The following TMOD3 variants were observed in gnomAD, a reference collection of about 807,000 sequenced individuals.
The protein encoded by TMOD3 is tropomodulin 3.
Under a neutral mutation model 39.2 loss-of-function variants are expected in TMOD3, and 20 were observed. That is an observed-to-expected ratio of 0.51 (90% CI 0.36 to 0.74). The LOEUF (loss-of-function observed/expected upper bound fraction) is 0.74. TMOD3 is among the 30% of genes least tolerant of loss of function. TMOD3 has a pLI of 0.00. For missense variants in TMOD3, 381 were observed against 412.8 expected (o/e 0.92, Z 0.67); for synonymous variants, 143 against 145.8 (o/e 0.98, Z 0.14).
chr15:51,901,622 C>T, intron 8 of TMOD3: 3 of 313,436 alleles, frequency 9.6e-6, no homozygotes, highest in South Asian at 6.7e-5. Context: ...TATAAAGTTC[C>T]AGTGAGGCTG....
chr15:51,858,125 T>C (rs764042908), intron 1 of TMOD3: 5 of 152,098 alleles, frequency 3.3e-5, no homozygotes, highest in African/African-American at 4.8e-5. Context: ...CGACCGTAGC[T>C]CACTGCAGCC....
chr15:51,895,013 A>G (rs2056613628), intron 6 of TMOD3, among the ~76,000 whole-genome samples: 1 of 152,146 alleles, frequency 6.6e-6, no homozygotes, highest in Non-Finnish European at 1.5e-5. Context: ...AATTATCTAG[A>G]TATTAGCCAT....
At chr15:51,883,363 T>TA (rs560932960) in intron 3 of TMOD3, among the ~76,000 whole-genome samples, 3 of 151,990 alleles carry the variant, frequency 2.0e-5, no homozygotes, top group Non-Finnish European at 4.4e-5. Flanking sequence ...ATAAGGATTA[T>TA]AAAAAAAATA....
chr15:51,910,110 G>A lies in TMOD3; in HGVS notation c.*1300G>A, dbSNP rs74408321. ...CATGTTCTGTCTCAGGGCAGCCCCTGGAGCAGGAGATGGCAGAGGCATTTA... is the reference window on the plus strand; with the variant it reads ...CATGTTCTGTCTCAGGGCAGCCCCTAGAGCAGGAGATGGCAGAGGCATTTA... On this transcript the variant is annotated 3_prime_UTR_variant, in exon 10 of 10. Coordinates refer to ENST00000308580, the MANE Select transcript of TMOD3 (RefSeq NM_014547.5). 0.015 allele frequency: 2,213 copies of A among 152,382 alleles called. 84 individuals carry two copies. Among genetic ancestry groups the A allele is most frequent in the Admixed American group, 0.074 (1,136 of 15,302 alleles). The allele number at this position is 152,382 out of a possible 1,614,324, so 9.4% of individuals were successfully genotyped here. A position where few individuals can be genotyped will look rare whatever the true frequency, so the allele number is the denominator to read the frequency against.
chr15:51,882,368 A>G (rs2470619), intron 3 of TMOD3, among the ~76,000 whole-genome samples: 69,802 of 151,318 alleles, frequency 0.46, 16,286 homozygotes, highest in Admixed American at 0.54. Context: ...GCAAAACCCC[A>G]TCTACTAGTA....
At chr15:51,858,482 A>C (rs1422733594) in intron 1 of TMOD3, 1 of 152,120 alleles carries the variant, frequency 6.6e-6, no homozygotes, top group Non-Finnish European at 1.5e-5. Context: ...TGCCAATAAA[A>C]CAGGTATACA....
At position 51,837,168 on chromosome 15, in the gene TMOD3, A is replaced by G. The variant is rs183082364; in HGVS notation, c.-75+7332A>G. ...GAGCAGGATATTATTAGTGATACTTATACAGTAGGGGATTTCCATCCATGT... is the reference window on the plus strand; with the variant it reads ...GAGCAGGATATTATTAGTGATACTTGTACAGTAGGGGATTTCCATCCATGT... On this transcript the variant is annotated intron_variant, in intron 1 of 9. Coordinates refer to ENST00000308580, the MANE Select transcript of TMOD3 (RefSeq NM_014547.5). 4.6e-4 allele frequency among the ~76,000 whole-genome samples: 70 copies of G among 152,310 alleles called. 1 individual carries two copies. The highest frequency in any genetic ancestry group is 1.5e-3 in the African/African-American group (63 of 41,568).
At chr15:51,841,639 C>T (rs2056313167) in intron 1 of TMOD3, among the ~76,000 whole-genome samples, 1 of 152,198 alleles carries the variant, frequency 6.6e-6, no homozygotes, top group South Asian at 2.1e-4. Flanking sequence ...TCAGTTATCA[C>T]CAGTCTTAAG....
chr15:51,900,812 C>T (rs1157955922), intron 8 of TMOD3, among the ~76,000 whole-genome samples: 4 of 152,110 alleles, frequency 2.6e-5, no homozygotes, highest in Non-Finnish European at 5.9e-5. Context: ...TAAAATTTAA[C>T]CCAGTGCTTC....
rs72732938 is a variant in TMOD3, at chr15:51,911,071, A to C, written c.*2261A>C. The C allele has an allele frequency of 2.6e-5, 4 of 152,254 alleles. No individual in the cohort carries two copies. Among genetic ancestry groups the C allele is most frequent in the African/African-American group, 4.8e-5 (2 of 41,544 alleles). 9.4% of individuals were successfully genotyped at this position (152,254 alleles called of 1,614,324 possible). On this transcript the variant is annotated 3_prime_UTR_variant, in exon 10 of 10. Transcript: ENST00000308580. ...CACAGTTCCAGCAAGATTGGGAGTCAGGCATGGAGCAGGCATCTCAGGCTA... is the reference window on the plus strand; with the variant it reads ...CACAGTTCCAGCAAGATTGGGAGTCCGGCATGGAGCAGGCATCTCAGGCTA...
chr15:51,897,172 A>G (rs887582774), intron 7 of TMOD3, among the ~76,000 whole-genome samples: 2 of 152,186 alleles, frequency 1.3e-5, no homozygotes, highest in African/African-American at 4.8e-5. Context: ...AAATATTGGA[A>G]TGGCCCAGAA....
intron 9 of TMOD3, among the ~76,000 whole-genome samples, chr15:51,906,242 G>C (rs1430315899): frequency 6.6e-6 from 1 of 152,142 alleles, no homozygotes; most frequent in Non-Finnish European, 1.5e-5. Context: ...TGAAGACCAT[G>C]TTTTCTGACA....
At chr15:51,842,249 C>T (rs1197448831) in intron 1 of TMOD3, among the ~76,000 whole-genome samples, 1 of 152,134 alleles carries the variant, frequency 6.6e-6, no homozygotes, top group African/African-American at 2.4e-5. Flanking sequence ...GTGAATACCC[C>T]TCTCCCCTTA....
chr15:51,877,974 C>T (rs1253697148), intron 3 of TMOD3, among the ~76,000 whole-genome samples: 1 of 152,162 alleles, frequency 6.6e-6, no homozygotes, highest in East Asian at 1.9e-4. Flanking sequence ...GTGTGACCCT[C>T]TGCACAACTC....
At position 51,860,428 on chromosome 15, in the gene TMOD3, G is replaced by C. The variant is rs1277415401; in HGVS notation, c.-74-2383G>C. ...TTCCTCAGTTTTTCAGCATGCATCA[G>C]CTCCATCCTAAAGTAGTCTTGATAA... On this transcript the variant is annotated intron_variant, in intron 1 of 9. Transcript: ENST00000308580. 5 of 553,536 alleles carry C rather than the reference G, an allele frequency of 9.0e-6. No homozygotes were observed. The Admixed American group carries it at 9.6e-5, about 11-fold the overall frequency. The allele number at this position is 553,536 out of a possible 1,614,324, so 34.3% of individuals were successfully genotyped here. A position where few individuals can be genotyped will look rare whatever the true frequency, so the allele number is the denominator to read the frequency against.
At chr15:51,836,464 C>A (rs568391707) in intron 1 of TMOD3, among the ~76,000 whole-genome samples, 11 of 152,256 alleles carry the variant, frequency 7.2e-5, no homozygotes, top group African/African-American at 2.6e-4. Flanking sequence ...TTCGTTTTCA[C>A]GCCTATAATC....
chr15:51,890,349 T>TC (rs2056586300), intron 5 of TMOD3, among the ~76,000 whole-genome samples: 3 of 150,154 alleles, frequency 2.0e-5, no homozygotes. Flanking sequence ...TTTTTTTTTT[T>TC]TTTTTTTAGT....
intron 9 of TMOD3, among the ~76,000 whole-genome samples, chr15:51,902,512 C>T (rs1215847310): frequency 1.3e-5 from 2 of 152,202 alleles, no homozygotes; most frequent in Middle Eastern, 3.4e-3. Flanking sequence ...CGCTGTGTTG[C>T]GAGGCAGGAG....
intron 1 of TMOD3, among the ~76,000 whole-genome samples, chr15:51,858,969 C>A (rs1458617926): frequency 2.0e-5 from 3 of 152,098 alleles, no homozygotes; most frequent in Admixed American, 6.5e-5. Flanking sequence ...TCCAGGAGTT[C>A]AAGACCAGCC....
Sources: gnomAD v4.1 joint callset for allele counts (sites outside exome capture counted in the v4.1 genomes callset) on GRCh38, gnomAD v4.1.1 for gene constraint, MANE v1.5 for transcripts, NCBI Gene and HGNC (gene_info 2026-07-23, HGNC 2026-07-21) for gene names.